Variants in KCNIP4 observed in about 807,000 individuals in gnomAD.
KCNIP4 encodes Kv channel-interacting protein 4.
Under a neutral mutation model 34.0 loss-of-function variants are expected in KCNIP4, and 12 were observed. The ratio of observed to expected loss-of-function variants is 0.35; its 90% CI spans 0.23 to 0.57. The LOEUF (loss-of-function observed/expected upper bound fraction) is 0.57. KCNIP4 is among the 20% of genes least tolerant of loss of function. KCNIP4 has a pLI of 0.83. For synonymous variants in KCNIP4, 124 were observed against 102.2 expected, an observed-to-expected ratio of 1.21 and a Z score of -1.29; for missense variants, 238 against 311.7, an observed-to-expected ratio of 0.76 and a Z score of 1.78.
chr4:21,442,459 G>C (rs891336457), intron 1 of KCNIP4, among the ~76,000 whole-genome samples: 1 of 152,150 alleles, frequency 6.6e-6, no homozygotes, highest in Non-Finnish European at 1.5e-5. Flanking sequence ...CCTTGAATTT[G>C]TCTAGTCAGA....
intron 1 of KCNIP4, among the ~76,000 whole-genome samples, chr4:21,790,965 T>G (rs1387189716): frequency 2.4e-5 from 1 of 42,490 alleles, no homozygotes; most frequent in Non-Finnish European, 5.0e-5. Flanking sequence ...GCCTGCGCAC[T>G]CCACAAAAAA....
chr4:21,236,901 G>GGAGGCT (rs1759403653), intron 1 of KCNIP4, among the ~76,000 whole-genome samples: 1 of 151,718 alleles, frequency 6.6e-6, no homozygotes, highest in African/African-American at 2.4e-5. Context: ...CAATTACTCG[G>GGAGGCT]GAGGCTGAGG....
chr4:20,808,950 C>T (rs1462099659), intron 3 of KCNIP4, among the ~76,000 whole-genome samples: 1 of 152,176 alleles, frequency 6.6e-6, no homozygotes, highest in East Asian at 1.9e-4. Context: ...GTTGTCCTCT[C>T]TCACTCTCAG....
chr4:21,410,058 C>T (rs541706278), intron 1 of KCNIP4, among the ~76,000 whole-genome samples: 2 of 152,104 alleles, frequency 1.3e-5, no homozygotes, highest in South Asian at 2.1e-4. Flanking sequence ...ACTCCTTCTA[C>T]GAGAGTACAG....
chr4:21,084,401 C>T (rs1746246017), intron 1 of KCNIP4, among the ~76,000 whole-genome samples: 1 of 149,596 alleles, frequency 6.7e-6, no homozygotes, highest in Non-Finnish European at 1.5e-5. Flanking sequence ...AGAGAAATGG[C>T]AATGATGGGG....
chr4:21,601,896 C>T (rs7661478), intron 1 of KCNIP4, among the ~76,000 whole-genome samples: 104,370 of 151,984 alleles, frequency 0.69, 36,299 homozygotes, highest in East Asian at 0.89. Context: ...CTTGACCACA[C>T]CATCAAACGC....
At chr4:21,206,368 G>A (rs1463698582) in intron 1 of KCNIP4, among the ~76,000 whole-genome samples, 3 of 152,182 alleles carry the variant, frequency 2.0e-5, no homozygotes, top group Non-Finnish European at 4.4e-5. Context: ...CCCTTCCTGA[G>A]AGTCAAACAG....
At chr4:21,930,137 T>C (rs1187265501) in intron 1 of KCNIP4, among the ~76,000 whole-genome samples, 2 of 152,148 alleles carry the variant, frequency 1.3e-5, no homozygotes, top group African/African-American at 4.8e-5. Context: ...TCTTTGCAAG[T>C]ATCCCAACCT....
In KCNIP4 at chr4:21,217,239, C is replaced by G. The variant is rs145860678; in HGVS notation, c.62-334530G>C. On this transcript the variant is annotated intron_variant, in intron 1 of 8. Transcript: ENST00000382152. Reference sequence around the variant, plus strand: ...GTTAATATTTACGAAGTGCTTATCTCTGTGTCAGTCCCATAATAAGGGCTC... The same window carrying G: ...GTTAATATTTACGAAGTGCTTATCTGTGTGTCAGTCCCATAATAAGGGCTC... Among the ~76,000 whole-genome samples, 6 of 152,306 alleles carry G rather than the reference C, an allele frequency of 3.9e-5. No individual in the cohort carries two copies. The East Asian group carries it at 1.2e-3, about 29-fold the overall frequency.
At chr4:21,727,527 C>T (rs1715283135) in intron 1 of KCNIP4, among the ~76,000 whole-genome samples, 1 of 152,200 alleles carries the variant, frequency 6.6e-6, no homozygotes, top group African/African-American at 2.4e-5. Context: ...CAATACCCTA[C>T]ATTTAAAATG....
chr4:21,404,293 C>A (rs1434415902), intron 1 of KCNIP4, among the ~76,000 whole-genome samples: 1 of 152,070 alleles, frequency 6.6e-6, no homozygotes, highest in Non-Finnish European at 1.5e-5. Context: ...TTATTTTTTT[C>A]CTGCTTCTTT....
intron 1 of KCNIP4, among the ~76,000 whole-genome samples, chr4:21,454,254 A>C (rs1460485): frequency 0.43 from 65,000 of 151,962 alleles, 15,483 homozygotes; most frequent in Non-Finnish European, 0.55. Context: ...GGTGCTTTAA[A>C]TAGCAAGGAA....
chr4:21,695,109 T>C (rs1034939459), intron 1 of KCNIP4, among the ~76,000 whole-genome samples: 15 of 152,206 alleles, frequency 9.9e-5, no homozygotes, highest in Non-Finnish European at 1.3e-4. Context: ...AGTTCAACTC[T>C]GTTTCCTACT....
intron 1 of KCNIP4, among the ~76,000 whole-genome samples, chr4:21,106,730 C>T (rs1358589096): frequency 1.3e-5 from 2 of 151,250 alleles, no homozygotes; most frequent in Non-Finnish European, 2.9e-5. Flanking sequence ...CTCTTGTGGG[C>T]ATTTAGTGCT....
At chr4:21,380,497 G>A (rs928421555) in intron 1 of KCNIP4, among the ~76,000 whole-genome samples, 4 of 151,224 alleles carry the variant, frequency 2.6e-5, no homozygotes, top group Non-Finnish European at 5.9e-5. Flanking sequence ...GGGAGAGAGA[G>A]AGATCCTATA....
Position 21,116,008 on chromosome 4 carries a change from C to T in KCNIP4, c.62-233299G>A, listed in dbSNP as rs1749642805. 2.6e-5 allele frequency among the ~76,000 whole-genome samples: 4 copies of T among 152,248 alleles called. No homozygotes were observed. In the East Asian group the frequency reaches 5.8e-4, roughly 22 times the overall value. On this transcript the variant is annotated intron_variant, in intron 1 of 8. Transcript: ENST00000382152. ...AATAAACAGTGACAAACAGTGAAGG[C>T]GATGGTTTCGGAATACTTCACTTTC...
chr4:21,908,582 A>G (rs1385999687), intron 1 of KCNIP4, among the ~76,000 whole-genome samples: 1 of 152,222 alleles, frequency 6.6e-6, no homozygotes, highest in African/African-American at 2.4e-5. Flanking sequence ...ACTGTCACAG[A>G]AGGCAGAAAG....
chr4:21,647,295 C>A (rs1306150417), intron 1 of KCNIP4, among the ~76,000 whole-genome samples: 1 of 152,054 alleles, frequency 6.6e-6, no homozygotes, highest in Non-Finnish European at 1.5e-5. Context: ...CAGAATTCTA[C>A]AGGGAAACTG....
At chr4:21,156,666 A>G (rs1366748018) in intron 1 of KCNIP4, among the ~76,000 whole-genome samples, 1 of 152,196 alleles carries the variant, frequency 6.6e-6, no homozygotes, top group Non-Finnish European at 1.5e-5. Context: ...GACACTAAGT[A>G]ATAGAGCTGT....
Sources: allele counts gnomAD v4.1 joint callset (sites outside exome capture counted in the v4.1 genomes callset), GRCh38; gene constraint gnomAD v4.1.1; transcripts MANE v1.5; gene names NCBI Gene and HGNC (gene_info 2026-07-23, HGNC 2026-07-21).